LRBA: variants seen among roughly 807,000 people sequenced by gnomAD.
LRBA encodes lipopolysaccharide-responsive and beige-like anchor protein.
In LRBA, 176 loss-of-function variants were observed where a neutral mutation model predicts 330.0. The observed-to-expected ratio is 0.53, with a 90% CI of 0.47 to 0.60. LRBA has a LOEUF of 0.60. Among genes scored for constraint, LRBA ranks in the 20% least tolerant of loss-of-function variants. The probability of loss-of-function intolerance (pLI) is 0.00; values close to 1 mark genes in which losing one functional copy is unlikely to be tolerated. For missense variants in LRBA, 3,259 were observed against 3,444.8 expected (o/e 0.95, Z 1.35); for synonymous variants, 1,230 against 1,193.0 (o/e 1.03, Z -0.64).
At chr4:150,672,486 A>C (rs1421824146) in intron 37 of LRBA, among the ~76,000 whole-genome samples, 1 of 152,066 alleles carries the variant, frequency 6.6e-6, no homozygotes, top group African/African-American at 2.4e-5. Context: ...CAATTTCCTA[A>C]TGCATTTTTA....
chr4:150,790,653 A>C (rs1739767099), intron 34 of LRBA, among the ~76,000 whole-genome samples: 1 of 152,228 alleles, frequency 6.6e-6, no homozygotes, highest in South Asian at 2.1e-4. Flanking sequence ...CATGCATCTA[A>C]GTTTTTCATG....
rs2126921900 is a variant in LRBA at position 150,852,413 on chromosome 4, T to C, written c.3297A>G (p.Lys1099=). Residue 1099 remains lysine, a synonymous_variant, in exon 23 of 57, where the codon AAA becomes AAG. Transcript: ENST00000651943. ...DASEMPEFLD[K]SIVEEEEDDD... ...CATCTTCCTCTTCCTCTACTATAGA[T>C]TTATCCAAGAATTCTGGCATCTCTG... The C allele has an allele frequency of 6.2e-7, 1 of 1,613,620 alleles. No homozygotes were observed. The highest frequency in any genetic ancestry group is 8.5e-7 in the Non-Finnish European group (1 of 1,179,982).
intron 47 of LRBA, among the ~76,000 whole-genome samples, chr4:150,352,508 T>C (rs532733282): frequency 1.4e-4 from 22 of 152,356 alleles, no homozygotes; most frequent in African/African-American, 5.3e-4. Flanking sequence ...CTAGGTTCAA[T>C]TGAGAAAGTT....
intron 37 of LRBA, among the ~76,000 whole-genome samples, chr4:150,660,356 G>A (rs1233273028): frequency 1.1e-5 from 1 of 87,880 alleles, no homozygotes; most frequent in African/African-American, 4.0e-5. Context: ...AGGTGGGGGG[G>A]GTCAGCCCCC....
chr4:150,874,726 C>T (rs116526005), intron 17 of LRBA, among the ~76,000 whole-genome samples: 1,663 of 152,166 alleles, frequency 0.011, 8 homozygotes, highest in Non-Finnish European at 0.017. Context: ...CCTTCGTAGA[C>T]ACAGATCATA....
At chr4:150,330,077 T>C (rs1444302240) in intron 48 of LRBA, among the ~76,000 whole-genome samples, 1 of 152,184 alleles carries the variant, frequency 6.6e-6, no homozygotes, top group Non-Finnish European at 1.5e-5. Flanking sequence ...ATTCCAGTAA[T>C]TAAAAGATAA....
At chr4:150,491,406 T>C (rs1305962057) in intron 40 of LRBA, among the ~76,000 whole-genome samples, 1 of 152,082 alleles carries the variant, frequency 6.6e-6, no homozygotes, top group Non-Finnish European at 1.5e-5. Flanking sequence ...AAGAATGTCA[T>C]ATATGCTTAT....
intron 36 of LRBA, among the ~76,000 whole-genome samples, chr4:150,700,892 G>A (rs913102818): frequency 6.6e-6 from 1 of 151,726 alleles, no homozygotes; most frequent in African/African-American, 2.4e-5. Context: ...TGAGTAGCTA[G>A]GACTACAGGG....
chr4:150,888,989 G>A (rs539467365), intron 17 of LRBA, among the ~76,000 whole-genome samples: 1 of 152,284 alleles, frequency 6.6e-6, no homozygotes, highest in African/African-American at 2.4e-5. Flanking sequence ...ATGGAGGCTT[G>A]GTATGTCTCA....
At chr4:150,505,553 C>G (rs1208449974) in intron 40 of LRBA, among the ~76,000 whole-genome samples, 3 of 152,118 alleles carry the variant, frequency 2.0e-5, no homozygotes, top group African/African-American at 4.8e-5. Context: ...ACACGACATA[C>G]CAGAATCTCT....
chr4:150,549,868 A>G (rs919879420), intron 40 of LRBA, among the ~76,000 whole-genome samples: 3 of 152,212 alleles, frequency 2.0e-5, no homozygotes, highest in East Asian at 1.9e-4. Context: ...TCCTGAAAGT[A>G]TTAGGAATGA....
At chr4:150,623,633 T>C (rs1776531605) in intron 37 of LRBA, among the ~76,000 whole-genome samples, 1 of 152,076 alleles carries the variant, frequency 6.6e-6, no homozygotes, top group Non-Finnish European at 1.5e-5. Flanking sequence ...ACTAGGAGAC[T>C]TTCTGGGTAG....
rs145274118 is a variant in LRBA, at chr4:150,337,763, C to T, written c.7363-11865G>A. 5.8e-3 allele frequency among the ~76,000 whole-genome samples: 881 copies of T among 152,190 alleles called. 5 individuals are homozygous for T. The highest frequency in any genetic ancestry group is 0.041 in the Middle Eastern group (12 of 294). On this transcript the variant is annotated intron_variant, in intron 48 of 56. Transcript: ENST00000651943. The stretch of plus-strand genomic sequence containing the variant: ...ACTATATTGCTACAACCACTGTAAT[C>T]GTGTCCTACTCTTAAATCTCACCAC...
chr4:150,325,921 TG>T, intron 48 of LRBA, 23 bp from the exon 49 acceptor site: 1 of 1,422,214 alleles, frequency 7.0e-7, no homozygotes, highest in Non-Finnish European at 9.9e-7. Context: ...GGGGCAAGTC[TG>T]AAGGTTAAGA....
chr4:150,452,389 C>T (rs185861702), intron 44 of LRBA, among the ~76,000 whole-genome samples: 18 of 152,098 alleles, frequency 1.2e-4, no homozygotes, highest in East Asian at 1.2e-3. Flanking sequence ...TTTGGGAGGC[C>T]GAGGCAGGCG....
In LRBA at chr4:150,892,373, G is replaced by A. The variant is rs1045824885; in HGVS notation, c.2165+679C>T. 2.7e-4 allele frequency among the ~76,000 whole-genome samples: 41 copies of A among 152,120 alleles called. 1 individual carries two copies. Among genetic ancestry groups the A allele is most frequent in the Admixed American group, 3.3e-4 (5 of 15,268 alleles). On this transcript the variant is annotated intron_variant, in intron 17 of 56. Transcript: ENST00000651943. ...TAAGGAAGTAATTAAGGTTAAATGC[G>A]GTCCTAAGAGTGGGTCCCTAATCCA...
chr4:150,687,319 G>A (rs976547124), intron 36 of LRBA, among the ~76,000 whole-genome samples: 1 of 152,028 alleles, frequency 6.6e-6, no homozygotes, highest in Non-Finnish European at 1.5e-5. Context: ...ATTTGTGTAT[G>A]TATGTATACC....
chr4:150,277,792 A>G lies in LRBA; in HGVS notation c.8468+61T>C, dbSNP rs1329657959. The G allele has an allele frequency of 2.0e-6, 3 of 1,536,038 alleles. No homozygotes were observed. The African/African-American group carries it at 4.1e-5, about 21-fold the overall frequency. On this transcript the variant is annotated intron_variant, in intron 56 of 56. Coordinates refer to ENST00000651943, the MANE Select transcript of LRBA (RefSeq NM_001364905.1). Reference sequence around the variant, plus strand: ...ACTGGGATTACAGGTGTAAGCCAACACGACCAGTCCCCTCTGCAGTTTTTG... The same window carrying G: ...ACTGGGATTACAGGTGTAAGCCAACGCGACCAGTCCCCTCTGCAGTTTTTG...
chr4:150,681,212 G>A (rs984992400), intron 37 of LRBA, among the ~76,000 whole-genome samples: 3 of 152,146 alleles, frequency 2.0e-5, no homozygotes, highest in Non-Finnish European at 4.4e-5. Flanking sequence ...TGCCATTTAT[G>A]TTTTCTAGAA....
Sources: gnomAD v4.1 joint callset for allele counts (sites outside exome capture counted in the v4.1 genomes callset) on GRCh38, gnomAD v4.1.1 for gene constraint, MANE v1.5 for transcripts, NCBI Gene and HGNC (gene_info 2026-07-23, HGNC 2026-07-21) for gene names.